TSGA13: variants seen among roughly 807,000 people sequenced by gnomAD.
The protein encoded by TSGA13 is testis-specific gene 13 protein.
In TSGA13, 37 loss-of-function variants were observed where a neutral mutation model predicts 35.1. The ratio of observed to expected loss-of-function variants is 1.05; its 90% CI spans 0.81 to 1.39. The LOEUF is 1.39. Ranked by LOEUF, TSGA13 falls within the 40% of genes most tolerant of loss-of-function variation. The pLI, the probability that TSGA13 is intolerant of heterozygous loss-of-function variation, is 0.00. For missense variants in TSGA13, 338 were observed against 328.5 expected (o/e 1.03, Z -0.22); for synonymous variants, 124 against 121.2 (o/e 1.02, Z -0.15).
chr7:130,679,436 G>T (rs1796489728), intron 4 of TSGA13, 69 bp from the exon 5 acceptor site: 1 of 1,374,450 alleles, frequency 7.3e-7, no homozygotes, highest in Non-Finnish European at 1.0e-6. Flanking sequence ...AAATCGGTTG[G>T]CTGATACTTA....
chr7:130,676,119 A>T lies in TSGA13; in HGVS notation c.387+3036T>A, dbSNP rs1796405923. On this transcript the variant is annotated intron_variant, in intron 5 of 7. Transcript: ENST00000356588. ...CTACTAGAACTCACAGTCTTTTTGG[A>T]TGCATGCCTGGGCATAACAAAGAAT... is the stretch of plus-strand genomic sequence containing the variant. 3.9e-5 allele frequency among the ~76,000 whole-genome samples: 6 copies of T among 152,310 alleles called. No homozygotes were observed. In the South Asian group the frequency reaches 1.2e-3, roughly 32 times the overall value.
chr7:130,686,848 A>G (rs1345202118), upstream of TSGA13: 2 of 151,948 alleles, frequency 1.3e-5, no homozygotes, highest in African/African-American at 4.9e-5. Flanking sequence ...GCTGTCCCCA[A>G]TCTCTTCAGC....
At chr7:130,671,308 GATATC>G (rs1181618613) in intron 7 of TSGA13, among the ~76,000 whole-genome samples, 1 of 151,904 alleles carries the variant, frequency 6.6e-6, no homozygotes, top group Non-Finnish European at 1.5e-5. Flanking sequence ...TCAAAACCAT[GATATC>G]AATGATATAG....
In TSGA13 at chr7:130,685,308, T is replaced by C; in HGVS notation, c.-98A>G. ...CACGTTCTGCAGGGGTTCAATTCAA[T>C]CCAAATATTCTTTCCTTAGCACACA... On this transcript the variant is annotated 5_prime_UTR_variant, in exon 2 of 8. Coordinates refer to ENST00000356588, the MANE Select transcript of TSGA13 (RefSeq NM_052933.4). 2 of 1,586,410 alleles carry C rather than the reference T, an allele frequency of 1.3e-6. No individual in the cohort carries two copies. Among genetic ancestry groups the C allele is most frequent in the African/African-American group, 2.7e-5 (2 of 74,630 alleles).
intron 5 of TSGA13, among the ~76,000 whole-genome samples, chr7:130,674,422 T>C (rs371719989): frequency 3.0e-4 from 45 of 152,226 alleles, no homozygotes; most frequent in African/African-American, 9.1e-4. Flanking sequence ...CCACCTGCCT[T>C]GGCCTCCCAA....
chr7:130,673,353 C>G (rs1186166651), intron 5 of TSGA13, among the ~76,000 whole-genome samples: 1 of 152,102 alleles, frequency 6.6e-6, no homozygotes, highest in African/African-American at 2.4e-5. Flanking sequence ...TACTAAAGGT[C>G]ATAGAATCAA....
chr7:130,679,046 T>G (rs1796475605), intron 5 of TSGA13, 109 bp downstream of exon 5: 1 of 935,334 alleles, frequency 1.1e-6, no homozygotes, highest in Non-Finnish European at 1.7e-6. Context: ...AACAAAAAAA[T>G]TAAGAGGTTT....
intron 7 of TSGA13, among the ~76,000 whole-genome samples, chr7:130,670,802 T>C (rs1180431869): frequency 6.6e-6 from 1 of 152,122 alleles, no homozygotes; most frequent in African/African-American, 2.4e-5. Context: ...TTTTAAATTA[T>C]TTTTTGTAGA....
chr7:130,676,832 T>C (rs1476471566), intron 5 of TSGA13, among the ~76,000 whole-genome samples: 3 of 152,166 alleles, frequency 2.0e-5, no homozygotes, highest in African/African-American at 4.8e-5. Context: ...CTCATTTATT[T>C]AATTTGTTCT....
intron 3 of TSGA13, among the ~76,000 whole-genome samples, chr7:130,683,325 G>C (rs993699148): frequency 6.6e-6 from 1 of 152,318 alleles, no homozygotes; most frequent in South Asian, 2.1e-4. Context: ...TAAAGTCTGC[G>C]TAAGTTAGGG....
chr7:130,669,212 A>G, intron 7 of TSGA13, 29 bp from the exon 8 acceptor site: 2 of 1,613,846 alleles, frequency 1.2e-6, no homozygotes, highest in Non-Finnish European at 1.7e-6. Context: ...ACCCTGGTGA[A>G]TGTGGCTTTT....
In TSGA13 at chr7:130,669,086, C is replaced by T. The variant is rs1554462397; in HGVS notation, c.756G>A (p.Ala252=). 1 of 1,614,216 alleles carries T rather than the reference C, an allele frequency of 6.2e-7. No individual in the cohort carries two copies. Among genetic ancestry groups the T allele is most frequent in the Admixed American group, 1.7e-5 (1 of 60,028 alleles). ...SLLEDMPTRT[A]PGESAFRNGR... ...CGTTGCGGAAGGCGCTCTCCCCGGG[C>T]GCGGTTCTGGTGGGCATGTCTTCCA... The change falls in exon 8 of 8, where the codon GCG becomes GCA. Residue 252 remains alanine (A), a synonymous_variant. Transcript: ENST00000356588.
chr7:130,670,747 AGTAGCTCAGAC>A (rs782115468), intron 7 of TSGA13, among the ~76,000 whole-genome samples: 1 of 152,040 alleles, frequency 6.6e-6, no homozygotes, highest in African/African-American at 2.4e-5. Flanking sequence ...AAGCCCCCCA[AGTAGCTCAGAC>A]TACAGGTGCA....
rs1554462423 is a variant in TSGA13, at chr7:130,669,145, C to G, written c.697G>C (p.Val233Leu). The change falls in exon 8 of 8, where the codon GTG becomes CTG. Residue 233 changes from valine (V) to leucine (L), a missense_variant. Physicochemically the swap from Val to Leu is conservative, Grantham distance 32. Transcript: ENST00000356588. ...GCGAGTGTCAGTGGTTCCCGAATCA[C>G]TTTGGAAATTGGCCTTTCACTCGCT... ...KSASERPISK[V>L]IREPLTLASL... 1.9e-6 allele frequency: 3 copies of G among 1,614,210 alleles called. No individual in the cohort carries two copies. Among genetic ancestry groups the G allele is most frequent in the Middle Eastern group, 1.6e-4 (1 of 6,062 alleles).
At chr7:130,680,398 C>T (rs567890000) in intron 4 of TSGA13, among the ~76,000 whole-genome samples, 4 of 151,538 alleles carry the variant, frequency 2.6e-5, no homozygotes, top group East Asian at 2.0e-4. Context: ...CCCAGCTACT[C>T]GGGAGGCTGA....
chr7:130,679,402 A>G lies in TSGA13; in HGVS notation c.175-35T>C, dbSNP rs147802699. 66 of 1,555,328 alleles carry G rather than the reference A, an allele frequency of 4.2e-5. No individual in the cohort carries two copies. The African/African-American group carries it at 8.4e-4, about 20-fold the overall frequency. On this transcript the variant is annotated intron_variant, in intron 4 of 7. Transcript: ENST00000356588. ...CAGAAAGGTTTCCAGAGAGAAAAAG[A>G]GATTAGGCCAAGAGCAGGTTAACAA...
intron 3 of TSGA13, 110 bp from the exon 4 acceptor site, chr7:130,681,127 A>T: frequency 4.2e-5 from 37 of 878,894 alleles, no homozygotes; most frequent in Non-Finnish European, 6.4e-5. Flanking sequence ...AACTTACACT[A>T]AGTAAGTTAG....
intron 5 of TSGA13, among the ~76,000 whole-genome samples, chr7:130,674,169 CT>C (rs1162370815): frequency 0.016 from 1,565 of 98,406 alleles, 9 homozygotes; most frequent in African/African-American, 0.045. Flanking sequence ...TTCTTTTTTT[CT>C]TTTTTTTTTT....
At chr7:130,680,770 C>T (rs1253103295) in intron 4 of TSGA13, among the ~76,000 whole-genome samples, 176 bp downstream of exon 4, 1 of 152,194 alleles carries the variant, frequency 6.6e-6, no homozygotes, top group Admixed American at 6.5e-5. Context: ...CACCCCAATC[C>T]TCAGCACTGC....
Sources: gnomAD v4.1 joint callset for allele counts (sites outside exome capture counted in the v4.1 genomes callset) on GRCh38, gnomAD v4.1.1 for gene constraint, MANE v1.5 for transcripts, NCBI Gene and HGNC (gene_info 2026-07-23, HGNC 2026-07-21) for gene names.